TTC7A: variants seen among roughly 807,000 people sequenced by gnomAD.
TTC7A encodes tetratricopeptide repeat protein 7A.
Under a neutral mutation model 103.7 loss-of-function variants are expected in TTC7A, and 110 were observed. The observed-to-expected ratio is 1.06, with a 90% confidence interval of 0.91 to 1.24. The LOEUF is 1.24. TTC7A is among the 50% of genes most tolerant of loss of function. TTC7A has a pLI of 0.00. For synonymous variants in TTC7A, 521 were observed against 467.9 expected (o/e 1.11, Z -1.47); for missense variants, 1,340 against 1,116.3 (o/e 1.20, Z -2.86).
At chr2:47,001,358 G>A (rs1271158641) in intron 8 of TTC7A, among the ~76,000 whole-genome samples, 1 of 152,212 alleles carries the variant, frequency 6.6e-6, no homozygotes, top group African/African-American at 2.4e-5. Context: ...TAGAGCTCAG[G>A]CAAGCAGCAG....
intron 2 of TTC7A, among the ~76,000 whole-genome samples, chr2:46,953,885 A>G (rs756957614): frequency 1.8e-4 from 26 of 146,796 alleles, no homozygotes; most frequent in Non-Finnish European, 3.0e-4. Context: ...CTGGTCTCAG[A>G]TTCTGGGTTT....
intron 2 of TTC7A, among the ~76,000 whole-genome samples, chr2:46,928,390 T>A (rs1252282319): frequency 1.3e-5 from 2 of 150,736 alleles, no homozygotes; most frequent in South Asian, 4.2e-4. Context: ...AATCAGGGTG[T>A]TAACTGAGGC....
At chr2:46,940,012 C>A (rs964605714), upstream of TTC7A, among the ~76,000 whole-genome samples, 8 of 152,182 alleles carry the variant, frequency 5.3e-5, no homozygotes, top group African/African-American at 1.9e-4. This position sits in a 1 kb window ranked among gnomAD's most constrained non-coding sequence, Gnocchi z 4.7. Flanking sequence ...AGGACTGGAG[C>A]TGCATTTAGA....
At chr2:47,046,892 T>C (rs1682382603) in intron 16 of TTC7A, 1 of 239,380 alleles carries the variant, frequency 4.2e-6, no homozygotes, top group African/African-American at 2.3e-5. Context: ...ATGGAGCCTG[T>C]CACTTCTTTC....
intron 2 of TTC7A, among the ~76,000 whole-genome samples, chr2:46,919,987 C>T (rs1180571438): frequency 6.6e-6 from 1 of 152,122 alleles, no homozygotes; most frequent in Non-Finnish European, 1.5e-5. Context: ...GTGTTAAAAG[C>T]TTGGAATTTT....
At chr2:47,011,272 G>A (rs1460075387) in intron 10 of TTC7A, 59 bp from the exon 11 acceptor site, 3 of 1,513,706 alleles carry the variant, frequency 2.0e-6, no homozygotes, top group Non-Finnish European at 2.7e-6. Context: ...TCGCCCCACT[G>A]TGGGCCCTTG....
intron 2 of TTC7A, among the ~76,000 whole-genome samples, chr2:46,930,850 C>T (rs186759420): frequency 6.6e-6 from 1 of 152,038 alleles, no homozygotes. Flanking sequence ...TTAAACCTTC[C>T]CATAAATAGC....
intron 19 of TTC7A, among the ~76,000 whole-genome samples, chr2:47,066,568 T>A (rs913964672): frequency 2.0e-5 from 3 of 152,116 alleles, no homozygotes; most frequent in African/African-American, 7.2e-5. Context: ...TCCCCCATCA[T>A]GGAGGGTTGG....
At chr2:47,000,969 G>A (rs1252796843) in intron 8 of TTC7A, among the ~76,000 whole-genome samples, 1 of 152,048 alleles carries the variant, frequency 6.6e-6, no homozygotes, top group South Asian at 2.1e-4. Flanking sequence ...GCACTTCCTC[G>A]GAGGTACCTG....
rs1187549888 is a variant in TTC7A at position 46,959,740 on chromosome 2, C to A, written c.517+2733C>A. On this transcript the variant is annotated intron_variant, in intron 3 of 19. Transcript: ENST00000319190. ...TGAAATGTGCCTCTGTGTGTTACAC[C>A]CAAAGATGCTTTCTGATTCCCGGGG... Among the ~76,000 whole-genome samples the A allele has an allele frequency of 2.0e-5, 3 of 152,090 alleles. No homozygotes were observed. The South Asian group carries it at 6.2e-4, about 32-fold the overall frequency.
intron 1 of TTC7A, among the ~76,000 whole-genome samples, chr2:46,948,694 G>C (rs1383522688): frequency 6.6e-6 from 1 of 151,960 alleles, no homozygotes; most frequent in Non-Finnish European, 1.5e-5. Flanking sequence ...TCCTGGGCTT[G>C]AGCAATTCTT....
At chr2:47,073,612 TG>T (rs1684962003) in intron 19 of TTC7A, 89 bp from the exon 20 acceptor site, 8 of 1,101,588 alleles carry the variant, frequency 7.3e-6, no homozygotes, top group Non-Finnish European at 1.1e-5. Flanking sequence ...TGATGGCTGC[TG>T]CCACCCGTGC....
chr2:46,940,254 A>T (rs1453670575), upstream of TTC7A, among the ~76,000 whole-genome samples: 1 of 152,130 alleles, frequency 6.6e-6, no homozygotes, highest in African/African-American at 2.4e-5. The surrounding 1 kb of genome is among the most constrained non-coding windows in gnomAD (Gnocchi z 4.7). Flanking sequence ...AACTCTTAGG[A>T]GTCTGCTCAA....
At position 46,941,648 on chromosome 2, in the gene TTC7A, T is replaced by C; in HGVS notation, c.107T>C (p.Leu36Pro). The change falls in exon 1 of 20, where the codon CTG becomes CCG. Residue 36 changes from leucine to proline, a missense_variant. Transcript: ENST00000319190. The surrounding 1 kb of genome is among the most constrained non-coding windows in gnomAD (Gnocchi z 4.2). ...CGCATGCCGGAGCTGGTCCGGCAGC[T>C]GCAGACGCTGAGCATGCCCGGCGGC... ...WDRMPELVRQ[L>P]QTLSMPGGGG... The C allele has an allele frequency of 6.4e-7, 1 of 1,552,614 alleles. No homozygotes were observed. Among genetic ancestry groups the C allele is most frequent in the Non-Finnish European group, 8.7e-7 (1 of 1,148,424 alleles).
chr2:46,996,130 T>C (rs2104397066), intron 8 of TTC7A, among the ~76,000 whole-genome samples: 1 of 152,276 alleles, frequency 6.6e-6, no homozygotes, highest in Non-Finnish European at 1.5e-5. Flanking sequence ...CTTTGGGTGC[T>C]CAGCAAAGGA....
chr2:46,973,188 G>A (rs945404739), intron 3 of TTC7A, among the ~76,000 whole-genome samples: 9 of 152,180 alleles, frequency 5.9e-5, no homozygotes, highest in African/African-American at 2.2e-4. Flanking sequence ...GAGCAGAATG[G>A]AGCCCCTGAA....
chr2:46,932,248 C>G (rs528512797), intron 2 of TTC7A, among the ~76,000 whole-genome samples: 1 of 151,788 alleles, frequency 6.6e-6, no homozygotes, highest in Admixed American at 6.6e-5. Flanking sequence ...CTCCTCGGTT[C>G]AAGCAATTCC....
Position 46,955,207 on chromosome 2 carries a change from G to A in TTC7A, c.349-1632G>A, listed in dbSNP as rs190561872. The stretch of plus-strand genomic sequence containing the variant: ...GTGTTATTATCTCTCCCTCACCCAC[G>A]AGGAAGACGCAGCCCGAGCAGGGAG... On this transcript the variant is annotated intron_variant, in intron 2 of 19. Transcript: ENST00000319190. 2.6e-5 allele frequency among the ~76,000 whole-genome samples: 4 copies of A among 151,248 alleles called. No homozygotes were observed. The East Asian group carries it at 5.8e-4, about 22-fold the overall frequency.
At chr2:47,035,828 C>T (rs1681040888) in intron 15 of TTC7A, among the ~76,000 whole-genome samples, 1 of 152,158 alleles carries the variant, frequency 6.6e-6, no homozygotes, top group Non-Finnish European at 1.5e-5. Flanking sequence ...CTTTTTGCGC[C>T]TGGGAGAAGG....
Sources: allele counts gnomAD v4.1 joint callset (sites outside exome capture counted in the v4.1 genomes callset), GRCh38; gene constraint gnomAD v4.1.1; non-coding constraint Gnocchi (gnomAD v3.1); transcripts MANE v1.5; gene names NCBI Gene and HGNC (gene_info 2026-07-23, HGNC 2026-07-21).